RYR2: variants seen among roughly 807,000 people sequenced by gnomAD.
RYR2 encodes the protein ryanodine receptor 2, also known as cardiac muscle ryanodine receptor-calcium release channel.
RYR2 carries 227 observed loss-of-function variants against 601.1 expected under a neutral mutation model. The observed-to-expected ratio is 0.38, with a 90% CI of 0.34 to 0.42. RYR2 has a LOEUF of 0.42. Among genes scored for constraint, RYR2 ranks in the 10% least tolerant of loss-of-function variants. The pLI is 1.00. For synonymous variants in RYR2, 2,223 were observed against 2,175.1 expected, an observed-to-expected ratio of 1.02 and a Z score of -0.61; for missense variants, 4,646 against 6,156.5, an observed-to-expected ratio of 0.75 and a Z score of 8.21.
chr1:237,069,595 T>C (rs1016385825), intron 1 of RYR2, among the ~76,000 whole-genome samples: 8 of 152,182 alleles, frequency 5.3e-5, no homozygotes, highest in African/African-American at 1.9e-4. Flanking sequence ...GATGATTTTT[T>C]ATCAGTTAAT....
chr1:237,123,752 C>T (rs1049822118), intron 1 of RYR2, among the ~76,000 whole-genome samples: 1 of 149,364 alleles, frequency 6.7e-6, no homozygotes, highest in Non-Finnish European at 1.5e-5. Flanking sequence ...ACTGCAAGCT[C>T]CGCTTCCCGG....
intron 1 of RYR2, among the ~76,000 whole-genome samples, chr1:237,088,638 C>T (rs1253956775): frequency 1.3e-5 from 2 of 152,098 alleles, no homozygotes; most frequent in Admixed American, 6.6e-5. Context: ...CATTACTTGG[C>T]TTAGGATTAA....
intron 11 of RYR2, among the ~76,000 whole-genome samples, chr1:237,421,806 T>G (rs889875845): frequency 1.3e-5 from 2 of 152,236 alleles, no homozygotes; most frequent in Non-Finnish European, 2.9e-5. Flanking sequence ...TGTTTCATTT[T>G]CTGCTTGTTG....
chr1:237,199,936 G>A (rs1217665669), intron 1 of RYR2, among the ~76,000 whole-genome samples: 1 of 152,106 alleles, frequency 6.6e-6, no homozygotes, highest in African/African-American at 2.4e-5. Flanking sequence ...CATCAGAAAT[G>A]TTCGTTAATT....
chr1:237,333,399 A>G (rs1696939121), intron 3 of RYR2, among the ~76,000 whole-genome samples: 1 of 152,192 alleles, frequency 6.6e-6, no homozygotes, highest in Admixed American at 6.5e-5. Flanking sequence ...GATGCCAGTT[A>G]ATGAGCACAG....
At chr1:237,510,440 G>A (rs888379179) in intron 23 of RYR2, among the ~76,000 whole-genome samples, 3 of 152,126 alleles carry the variant, frequency 2.0e-5, no homozygotes, top group Admixed American at 1.3e-4. Flanking sequence ...TTTATGTTTC[G>A]TTTGTAGGGT....
intron 47 of RYR2, 75 bp from the exon 48 acceptor site, chr1:237,643,252 A>G (rs1358708275): frequency 1.9e-6 from 3 of 1,559,886 alleles, no homozygotes; most frequent in Non-Finnish European, 2.6e-6. Flanking sequence ...GGATTCCAAT[A>G]CTTCAGATTT....
rs12062626 is a variant in RYR2 at position 237,761,655 on chromosome 1, A to G, written c.11476+627A>G. On this transcript the variant is annotated intron_variant, in intron 84 of 104. Transcript: ENST00000366574. Reference sequence around the variant, plus strand: ...TGGTATAAACTAGAAAGTTTAGCATACAATGCATTTAAAGCAGAAATAACC... The same window carrying G: ...TGGTATAAACTAGAAAGTTTAGCATGCAATGCATTTAAAGCAGAAATAACC... Among the ~76,000 whole-genome samples, 1,466 of 152,344 alleles carry G rather than the reference A, an allele frequency of 9.6e-3. 27 individuals carry two copies. Among genetic ancestry groups the G allele is most frequent in the African/African-American group, 0.033 (1,379 of 41,584 alleles).
chr1:237,454,315 T>C (rs1166817311), intron 14 of RYR2, 76 bp from the exon 15 acceptor site: 4 of 1,446,072 alleles, frequency 2.8e-6, no homozygotes, highest in Non-Finnish European at 3.7e-6. Flanking sequence ...GATTAATGCC[T>C]GAAATCATCT....
intron 23 of RYR2, among the ~76,000 whole-genome samples, chr1:237,508,680 T>C (rs1204938567): frequency 6.6e-6 from 1 of 151,572 alleles, no homozygotes; most frequent in African/African-American, 2.4e-5. Flanking sequence ...CATTTAGTTC[T>C]GGTTGATACC....
chr1:237,462,086 T>C (rs1056469774), intron 16 of RYR2, among the ~76,000 whole-genome samples: 1 of 152,200 alleles, frequency 6.6e-6, no homozygotes, highest in African/African-American at 2.4e-5. Context: ...ATTGGAGTCC[T>C]GTAAGACATG....
chr1:237,609,048 CT>C (rs985410324), intron 35 of RYR2, among the ~76,000 whole-genome samples: 6 of 148,248 alleles, frequency 4.0e-5, no homozygotes, highest in African/African-American at 1.2e-4. Context: ...TCCTTCCTTC[CT>C]TGTCCCTGTC....
At chr1:237,681,139 C>A (rs1001385511) in intron 62 of RYR2, among the ~76,000 whole-genome samples, 3 of 152,184 alleles carry the variant, frequency 2.0e-5, no homozygotes, top group Non-Finnish European at 2.9e-5. Flanking sequence ...TCCTTTTACT[C>A]AAACTTCTGC....
rs548984423 is a variant in RYR2 at position 237,185,176 on chromosome 1, T to G, written c.49-85321T>G. Among the ~76,000 whole-genome samples, 12 of 152,152 alleles carry G rather than the reference T, an allele frequency of 7.9e-5. No homozygotes were observed. In the South Asian group the frequency reaches 2.5e-3, roughly 32 times the overall value. On this transcript the variant is annotated intron_variant, in intron 1 of 104. Coordinates refer to ENST00000366574, the MANE Select transcript of RYR2 (RefSeq NM_001035.3). ...TCACCACGCCTGGCTAATTTTTTATTTTTTGTAGAGATACAGTCTCACTAT... is the reference window on the plus strand; with the variant it reads ...TCACCACGCCTGGCTAATTTTTTATGTTTTGTAGAGATACAGTCTCACTAT...
chr1:237,216,623 G>A (rs1194339953), intron 1 of RYR2, among the ~76,000 whole-genome samples: 1 of 151,802 alleles, frequency 6.6e-6, no homozygotes. Flanking sequence ...TGTAATCCCA[G>A]CTACTTAGAA....
At position 237,138,611 on chromosome 1, in the gene RYR2, CTATT is replaced by C. The variant is rs144248341; in HGVS notation, c.48+96048_48+96051del. On this transcript the variant is annotated intron_variant, in intron 1 of 104. Coordinates refer to ENST00000366574, the MANE Select transcript of RYR2 (RefSeq NM_001035.3). ...TATGAAACCACAATATAAAAACAAA[CTATT>C]TATTTTCTAAGTTCAGATGTATACA... is the stretch of plus-strand genomic sequence containing the variant. 7.5e-3 allele frequency among the ~76,000 whole-genome samples: 1,133 copies of C among 152,066 alleles called. 79 individuals are homozygous for C. In the East Asian group the frequency reaches 0.16, roughly 22 times the overall value.
At chr1:237,438,309 CTTG>C (rs1250245758) in intron 12 of RYR2, among the ~76,000 whole-genome samples, 10 of 151,970 alleles carry the variant, frequency 6.6e-5, no homozygotes, top group African/African-American at 1.4e-4. Flanking sequence ...TGCCTATACT[CTTG>C]TTGTTTTTGT....
At chr1:237,566,059 A>T (rs879278430) in intron 27 of RYR2, among the ~76,000 whole-genome samples, 15 of 152,150 alleles carry the variant, frequency 9.9e-5, no homozygotes, top group Non-Finnish European at 2.1e-4. Flanking sequence ...CTGTAGGGAA[A>T]TTTTTACTAT....
At chr1:237,473,382 C>T (rs1401324902) in intron 17 of RYR2, among the ~76,000 whole-genome samples, 2 of 150,770 alleles carry the variant, frequency 1.3e-5, no homozygotes, top group African/African-American at 4.9e-5. Context: ...CGAGATTGCA[C>T]GACTGCACTC....
Sources: gnomAD v4.1 joint callset for allele counts (sites outside exome capture counted in the v4.1 genomes callset) on GRCh38, gnomAD v4.1.1 for gene constraint, MANE v1.5 for transcripts, NCBI Gene and HGNC (gene_info 2026-07-23, HGNC 2026-07-21) for gene names.